PCSK5: variants seen among roughly 807,000 people sequenced by gnomAD.
PCSK5 encodes proprotein convertase subtilisin/kexin type 5.
A neutral mutation model predicts 233.2 loss-of-function variants in PCSK5; 129 were observed. The ratio of observed to expected loss-of-function variants is 0.55; its 90% CI spans 0.48 to 0.64. The LOEUF (loss-of-function observed/expected upper bound fraction) is 0.64, where lower values mean the gene tolerates loss of function less well. Among genes scored for constraint, PCSK5 ranks in the 30% least tolerant of loss-of-function variants. The probability of loss-of-function intolerance (pLI) is 0.00; values close to 1 mark genes in which losing one functional copy is unlikely to be tolerated. For synonymous variants in PCSK5, 825 were observed against 879.2 expected, an observed-to-expected ratio of 0.94 and a Z score of 1.09; for missense variants, 2,076 against 2,430.1, an observed-to-expected ratio of 0.85 and a Z score of 3.06.
Position 76,358,742 on chromosome 9 carries a change from C to T in PCSK5, c.5484C>T (p.Ser1828=), listed in dbSNP as rs1168453993. ...SYKSSYREST[S]FEEDQVIEYR... is the part of the protein sequence containing the mutation. ...AGAGCAGCTATAGAGAGAGCACCAG[C>T]TTTGAAGAGGATCAGGTGATTGAGT... The change falls in exon 38 of 38, where the codon AGC becomes AGT. Residue 1828 remains serine, a synonymous_variant. Coordinates refer to ENST00000674117, the MANE Select transcript of PCSK5 (RefSeq NM_001372043.1). The T allele has an allele frequency of 1.9e-6, 3 of 1,612,748 alleles. No homozygotes were observed. In the African/African-American group the frequency reaches 4.0e-5, roughly 22 times the overall value.
Position 76,310,645 on chromosome 9 carries a change from T to C in PCSK5, c.3689-11T>C. ...GACTATTCCCATCTTCCCTCTTCCC[T>C]GAATTTCTAGGTGCATATCTTCTGG... On this transcript the variant is annotated splice_polypyrimidine_tract_variant and intron_variant, in intron 29 of 37. Coordinates refer to ENST00000674117, the MANE Select transcript of PCSK5 (RefSeq NM_001372043.1). The C allele has an allele frequency of 7.2e-6, 11 of 1,526,702 alleles. No individual in the cohort carries two copies. Among genetic ancestry groups the C allele is most frequent in the Non-Finnish European group, 7.9e-6 (9 of 1,136,602 alleles). 94.6% of individuals were successfully genotyped at this position (1,526,702 alleles called of 1,614,324 possible). A position where few individuals can be genotyped will look rare whatever the true frequency, so the allele number is the denominator to read the frequency against.
At chr9:76,013,895 G>A (rs1827835523) in intron 3 of PCSK5, among the ~76,000 whole-genome samples, 1 of 150,570 alleles carries the variant, frequency 6.6e-6, no homozygotes. Flanking sequence ...CCTTGACCCT[G>A]TATGTCTCCA....
chr9:76,268,918 T>G (rs946115369), intron 24 of PCSK5, among the ~76,000 whole-genome samples: 2 of 152,190 alleles, frequency 1.3e-5, no homozygotes, highest in African/African-American at 2.4e-5. Flanking sequence ...CTGGATTTAG[T>G]CCTCAAGCTG....
intron 35 of PCSK5, among the ~76,000 whole-genome samples, chr9:76,345,478 G>A (rs1271929211): frequency 6.6e-6 from 1 of 152,180 alleles, no homozygotes; most frequent in Non-Finnish European, 1.5e-5. Context: ...GAGTGCAGTG[G>A]CGCAATCTTG....
intron 3 of PCSK5, among the ~76,000 whole-genome samples, chr9:75,992,295 G>C (rs551559119): frequency 2.6e-5 from 4 of 152,120 alleles, no homozygotes; most frequent in South Asian, 4.2e-4. Flanking sequence ...CTTTGTAGGA[G>C]GGCTTATTCA....
At chr9:76,193,472 C>G in intron 20 of PCSK5, 1 of 745,968 alleles carries the variant, frequency 1.3e-6, no homozygotes. Context: ...TTTTCTTGCT[C>G]TCTTTTTCTT....
chr9:76,119,119 G>T (rs1564038872), intron 9 of PCSK5, among the ~76,000 whole-genome samples: 2 of 152,004 alleles, frequency 1.3e-5, no homozygotes. Flanking sequence ...TTTTTGAATT[G>T]TGAGGACTAG....
chr9:76,358,522 T>A lies in PCSK5; in HGVS notation c.5264T>A (p.Ile1755Asn). ...CDCQDTTDEC[I>N]LRTSKVRPAT... Reference sequence around the variant, plus strand: ...GGTCTTCTTCCAACAGACGAATGCATCCTTCGAACAAGCAAGGTTAGGCCT... The same window carrying A: ...GGTCTTCTTCCAACAGACGAATGCAACCTTCGAACAAGCAAGGTTAGGCCT... The change falls in exon 38 of 38, where the codon ATC becomes AAC. Residue 1755 changes from isoleucine to asparagine, a missense_variant. This residue lies in a region of PCSK5 where 1,510 missense variants were observed against 1,538.1 expected (regional missense o/e 0.98). Coordinates refer to ENST00000674117, the MANE Select transcript of PCSK5 (RefSeq NM_001372043.1). 1.2e-6 allele frequency: 2 copies of A among 1,608,796 alleles called. No individual in the cohort carries two copies. The highest frequency in any genetic ancestry group is 1.7e-6 in the Non-Finnish European group (2 of 1,176,458).
At chr9:76,104,831 G>A (rs1831912146) in intron 8 of PCSK5, among the ~76,000 whole-genome samples, 1 of 79,798 alleles carries the variant, frequency 1.3e-5, no homozygotes, top group African/African-American at 5.7e-5. Flanking sequence ...ACAAAGGAAT[G>A]TGACCATGGG....
chr9:76,359,724 A>C lies in PCSK5; in HGVS notation c.*802A>C, dbSNP rs1050122951. The stretch of plus-strand genomic sequence containing the variant: ...TTTCGCCTGGGAGACATCAGCTAAG[A>C]CATCGAATAATAAAAGAAAAATGGC... On this transcript the variant is annotated 3_prime_UTR_variant, in exon 38 of 38. Coordinates refer to ENST00000674117, the MANE Select transcript of PCSK5 (RefSeq NM_001372043.1). 1.3e-5 allele frequency: 2 copies of C among 152,136 alleles called. No individual in the cohort carries two copies. The highest frequency in any genetic ancestry group is 6.5e-5 in the Admixed American group (1 of 15,268). 9.4% of individuals were successfully genotyped at this position (152,136 alleles called of 1,614,324 possible). A position where few individuals can be genotyped will look rare whatever the true frequency, so the allele number is the denominator to read the frequency against.
chr9:76,002,511 G>A (rs1053620424), intron 3 of PCSK5, among the ~76,000 whole-genome samples: 4 of 152,126 alleles, frequency 2.6e-5, no homozygotes, highest in Non-Finnish European at 5.9e-5. Context: ...AAGAACAAAC[G>A]TAAGATTTAT....
rs1438312386 is a variant in PCSK5 at position 76,226,469 on chromosome 9, G to C, written c.2627-1034G>C. Among the ~76,000 whole-genome samples the C allele has an allele frequency of 2.0e-5, 3 of 152,160 alleles. No individual in the cohort carries two copies. In the East Asian group the frequency reaches 5.8e-4, roughly 29 times the overall value. On this transcript the variant is annotated intron_variant, in intron 20 of 37. Coordinates refer to ENST00000674117, the MANE Select transcript of PCSK5 (RefSeq NM_001372043.1). ...GCTAAATCAGGCAGTGAATCTTGGA[G>C]TTGCAGTAAGACAACGTGATTAAAC... is the stretch of plus-strand genomic sequence containing the variant.
chr9:76,050,245 A>G (rs1036836514), intron 5 of PCSK5, among the ~76,000 whole-genome samples: 4 of 152,230 alleles, frequency 2.6e-5, no homozygotes, highest in Non-Finnish European at 4.4e-5. Context: ...ACAGGAGTAT[A>G]GGTAAAGTTG....
intron 27 of PCSK5, among the ~76,000 whole-genome samples, chr9:76,298,716 C>T (rs148894816): frequency 6.6e-6 from 1 of 152,286 alleles, no homozygotes; most frequent in East Asian, 1.9e-4. Context: ...ACTAATTAGC[C>T]ACACCTTTCA....
intron 21 of PCSK5, among the ~76,000 whole-genome samples, chr9:76,228,062 C>G (rs983548755): frequency 6.6e-6 from 1 of 151,802 alleles, no homozygotes; most frequent in East Asian, 1.9e-4. Context: ...CTCCGCCTCC[C>G]GGGTTCAAGC....
intron 2 of PCSK5, among the ~76,000 whole-genome samples, chr9:75,947,206 G>T (rs1824617256): frequency 6.6e-6 from 1 of 152,144 alleles, no homozygotes; most frequent in African/African-American, 2.4e-5. Context: ...TTCTTCTAAG[G>T]AGTTAAAAAC....
rs373304421 is a variant in PCSK5, at chr9:76,109,206, C to A, written c.1208+1855C>A. ...TGTGTTTTTAATTTGGTGAACTCTACCCAGGATTTTTGAAAAATATATTGT... is the reference window on the plus strand; with the variant it reads ...TGTGTTTTTAATTTGGTGAACTCTAACCAGGATTTTTGAAAAATATATTGT... On this transcript the variant is annotated intron_variant, in intron 9 of 37. Coordinates refer to ENST00000674117, the MANE Select transcript of PCSK5 (RefSeq NM_001372043.1). 6.6e-5 allele frequency among the ~76,000 whole-genome samples: 10 copies of A among 152,222 alleles called. No individual in the cohort carries two copies. The East Asian group carries it at 1.9e-3, about 29-fold the overall frequency.
intron 6 of PCSK5, among the ~76,000 whole-genome samples, chr9:76,071,474 T>C (rs556185194): frequency 6.6e-6 from 1 of 152,210 alleles, no homozygotes; most frequent in Non-Finnish European, 1.5e-5. Context: ...GCAGCTGTTA[T>C]AAGGAAAGGA....
At chr9:76,158,093 G>C (rs947679397) in intron 11 of PCSK5, among the ~76,000 whole-genome samples, 3 of 152,128 alleles carry the variant, frequency 2.0e-5, no homozygotes, top group Non-Finnish European at 4.4e-5. Context: ...GAATAAAAAG[G>C]AGAATAAGTA....
Sources: allele counts gnomAD v4.1 joint callset (sites outside exome capture counted in the v4.1 genomes callset), GRCh38; gene constraint gnomAD v4.1.1; regional missense constraint gnomAD v4.1.1; transcripts MANE v1.5; gene names NCBI Gene and HGNC (gene_info 2026-07-23, HGNC 2026-07-21).